ADGRL3: variants seen among roughly 807,000 people sequenced by gnomAD.
ADGRL3 encodes calcium-independent alpha-latrotoxin receptor 3.
In ADGRL3, 62 loss-of-function variants were observed where a neutral mutation model predicts 153.5. The ratio of observed to expected loss-of-function variants is 0.40; its 90% CI spans 0.33 to 0.50. The LOEUF is 0.50. ADGRL3 is among the 20% of genes least tolerant of loss of function. The pLI is 0.47. For missense variants in ADGRL3, 1,641 were observed against 1,859.4 expected, an observed-to-expected ratio of 0.88 and a Z score of 2.16; for synonymous variants, 710 against 672.5, an observed-to-expected ratio of 1.06 and a Z score of -0.86.
At chr4:61,478,127 A>G (rs2098087360) in intron 2 of ADGRL3, among the ~76,000 whole-genome samples, 1 of 152,068 alleles carries the variant, frequency 6.6e-6, no homozygotes, top group South Asian at 2.1e-4. Flanking sequence ...TTGGGACAGA[A>G]TCTTCCATAG....
intron 13 of ADGRL3, among the ~76,000 whole-genome samples, chr4:61,917,125 T>A (rs1416676811): frequency 1.3e-5 from 2 of 152,146 alleles, no homozygotes; most frequent in African/African-American, 4.8e-5. Context: ...GAAGGTTAAA[T>A]GACTTTCACA....
At chr4:61,845,270 C>A (rs1370111118) in intron 9 of ADGRL3, among the ~76,000 whole-genome samples, 1 of 151,984 alleles carries the variant, frequency 6.6e-6, no homozygotes, top group Non-Finnish European at 1.5e-5. Context: ...AAAAGCTATG[C>A]AGATTTCCCA....
At chr4:61,464,294 A>C (rs1000631417) in intron 2 of ADGRL3, among the ~76,000 whole-genome samples, 12 of 152,164 alleles carry the variant, frequency 7.9e-5, no homozygotes, top group African/African-American at 2.7e-4. Flanking sequence ...ATAGTTTTTA[A>C]AAGTTTGGCA....
intron 1 of ADGRL3, among the ~76,000 whole-genome samples, chr4:61,372,332 T>A (rs867705291): frequency 5.3e-5 from 8 of 152,184 alleles, no homozygotes; most frequent in Admixed American, 1.3e-4. Context: ...CCAGTTTTTC[T>A]GTTCTGTTTT....
chr4:61,863,723 A>G (rs2098372411), intron 9 of ADGRL3, among the ~76,000 whole-genome samples: 1 of 152,240 alleles, frequency 6.6e-6, no homozygotes, highest in Admixed American at 6.5e-5. Context: ...GCATTTTGTA[A>G]CTTTAAGGTA....
intron 8 of ADGRL3, among the ~76,000 whole-genome samples, chr4:61,804,201 C>T (rs773909735): frequency 1.6e-4 from 25 of 152,122 alleles, no homozygotes; most frequent in African/African-American, 6.0e-4. Context: ...TCTCTTTATA[C>T]TTAGGTCATT....
chr4:61,342,528 C>G (rs1202603373), intron 1 of ADGRL3, among the ~76,000 whole-genome samples: 1 of 152,050 alleles, frequency 6.6e-6, no homozygotes, highest in African/African-American at 2.4e-5. Context: ...TGCCTAAGGA[C>G]AGTCTCTGTC....
At chr4:61,986,933 C>T (rs1445226919) in intron 19 of ADGRL3, among the ~76,000 whole-genome samples, 1 of 152,038 alleles carries the variant, frequency 6.6e-6, no homozygotes, top group Non-Finnish European at 1.5e-5. Context: ...ATGGTGTTTA[C>T]TTGAGAAGTT....
intron 5 of ADGRL3, among the ~76,000 whole-genome samples, chr4:61,668,495 C>A (rs1467190433): frequency 6.6e-6 from 1 of 152,090 alleles, no homozygotes; most frequent in African/African-American, 2.4e-5. Context: ...CCACACTATT[C>A]CTTACTCATC....
At chr4:61,269,500 C>T (rs1275955391) in intron 1 of ADGRL3, among the ~76,000 whole-genome samples, 2 of 151,488 alleles carry the variant, frequency 1.3e-5, no homozygotes, top group Admixed American at 6.6e-5. Flanking sequence ...CCCACCTTTG[C>T]CAAGTTTTTA....
chr4:61,373,980 A>G (rs1199759238), intron 1 of ADGRL3, among the ~76,000 whole-genome samples: 1 of 152,170 alleles, frequency 6.6e-6, no homozygotes, highest in Non-Finnish European at 1.5e-5. Flanking sequence ...GGCAGAGTAA[A>G]ATACCCACAC....
At chr4:61,778,189 A>C (rs1215751602) in intron 8 of ADGRL3, among the ~76,000 whole-genome samples, 1 of 152,194 alleles carries the variant, frequency 6.6e-6, no homozygotes, top group Non-Finnish European at 1.5e-5. Flanking sequence ...ATGAAACATA[A>C]ATGAATTCCA....
chr4:61,234,805 G>C (rs1275941323), intron 1 of ADGRL3, among the ~76,000 whole-genome samples: 1 of 152,140 alleles, frequency 6.6e-6, no homozygotes, highest in Non-Finnish European at 1.5e-5. Context: ...GGTAGTAGTG[G>C]ACAGCAGGTG....
intron 1 of ADGRL3, among the ~76,000 whole-genome samples, chr4:61,337,432 T>A (rs926164037): frequency 1.3e-5 from 2 of 152,144 alleles, no homozygotes; most frequent in Non-Finnish European, 2.9e-5. Flanking sequence ...TATGAAGAAA[T>A]GCAACATGCT....
At chr4:61,291,218 G>GCACACACGCACA (rs1553895045) in intron 1 of ADGRL3, among the ~76,000 whole-genome samples, 2 of 134,080 alleles carry the variant, frequency 1.5e-5, no homozygotes, top group African/African-American at 5.6e-5. Flanking sequence ...ACACACACAC[G>GCACACACGCACA]CACACACACA....
rs140491192 is a variant in ADGRL3 at position 61,316,479 on chromosome 4, G to A, written c.-239-66645G>A. On this transcript the variant is annotated intron_variant, in intron 1 of 26. Transcript: ENST00000683033. Reference sequence around the variant, plus strand: ...GCCATTAAAAGTAATTGCAAAAACCGCATTTACTTTGACACCAACCTAATA... The same window carrying A: ...GCCATTAAAAGTAATTGCAAAAACCACATTTACTTTGACACCAACCTAATA... 3.9e-3 allele frequency among the ~76,000 whole-genome samples: 601 copies of A among 152,268 alleles called. 2 individuals carry two copies. Among genetic ancestry groups the A allele is most frequent in the Non-Finnish European group, 6.2e-3 (422 of 68,018 alleles).
intron 20 of ADGRL3, among the ~76,000 whole-genome samples, chr4:61,996,992 A>G (rs557370620): frequency 1.4e-5 from 2 of 142,222 alleles, no homozygotes; most frequent in African/African-American, 5.2e-5. Flanking sequence ...GTTGCTATCC[A>G]TTTTGTGAAA....
intron 1 of ADGRL3, among the ~76,000 whole-genome samples, chr4:61,350,595 A>T (rs1032123766): frequency 6.6e-6 from 1 of 152,116 alleles, no homozygotes; most frequent in Admixed American, 6.5e-5. Flanking sequence ...CCATCTTTCC[A>T]GTGGCATATA....
chr4:61,596,740 C>G (rs773011501), intron 5 of ADGRL3, among the ~76,000 whole-genome samples: 6 of 151,970 alleles, frequency 3.9e-5, no homozygotes, highest in Non-Finnish European at 8.8e-5. Flanking sequence ...AGCCTGTGGC[C>G]ACAGCTACTT....
Sources: allele counts gnomAD v4.1 joint callset (sites outside exome capture counted in the v4.1 genomes callset), GRCh38; gene constraint gnomAD v4.1.1; transcripts MANE v1.5; gene names NCBI Gene and HGNC (gene_info 2026-07-23, HGNC 2026-07-21).